Variants in NFKB1 observed in about 807,000 individuals in gnomAD.
NFKB1 encodes nuclear factor NF-kappa-B p105 subunit.
Under a neutral mutation model 105.1 loss-of-function variants are expected in NFKB1, and 9 were observed. The observed-to-expected ratio is 0.09, with a 90% CI of 0.05 to 0.15. The LOEUF is 0.15. Ranked by LOEUF, NFKB1 falls within the 10% of genes least tolerant of loss-of-function variation. The pLI is 1.00. For synonymous variants in NFKB1, 440 were observed against 442.2 expected, an observed-to-expected ratio of 1.00 and a Z score of 0.06; for missense variants, 830 against 1,203.7, an observed-to-expected ratio of 0.69 and a Z score of 4.59.
Position 102,597,504 on chromosome 4 carries a change from G to T in NFKB1, c.1496-16G>T. The T allele has an allele frequency of 1.2e-6, 2 of 1,601,082 alleles. No individual in the cohort carries two copies. Among genetic ancestry groups the T allele is most frequent in the South Asian group, 1.1e-5 (1 of 89,036 alleles). ...AGTAGGAACACTCAACTATGATTGTGGTCATTGCCTTACAGATAACCTCTT... is the reference window on the plus strand; with the variant it reads ...AGTAGGAACACTCAACTATGATTGTTGTCATTGCCTTACAGATAACCTCTT... On this transcript the variant is annotated splice_polypyrimidine_tract_variant and intron_variant, in intron 14 of 23. Coordinates refer to ENST00000226574, the MANE Select transcript of NFKB1 (RefSeq NM_003998.4).
intron 11 of NFKB1, 47 bp downstream of exon 11, chr4:102,584,867 A>T (rs1348311294): frequency 6.5e-7 from 1 of 1,530,230 alleles, no homozygotes; most frequent in Admixed American, 2.0e-5. Context: ...ATTTTATTTT[A>T]TTTTTGGTTT....
At chr4:102,614,496 C>G (rs191168327) in intron 23 of NFKB1, among the ~76,000 whole-genome samples, 1 of 152,348 alleles carries the variant, frequency 6.6e-6, no homozygotes, top group East Asian at 1.9e-4. Flanking sequence ...TCCAATTGCT[C>G]TATTCCCATA....
intron 23 of NFKB1, among the ~76,000 whole-genome samples, chr4:102,614,900 AT>A (rs1430518881): frequency 6.6e-6 from 1 of 152,014 alleles, no homozygotes; most frequent in East Asian, 1.9e-4. Context: ...CTTCCAGGAG[AT>A]TAAGACAAAA....
At chr4:102,561,898 G>A (rs1723472419) in intron 5 of NFKB1, among the ~76,000 whole-genome samples, 1 of 152,164 alleles carries the variant, frequency 6.6e-6, no homozygotes, top group Non-Finnish European at 1.5e-5. Flanking sequence ...GGTTGCATAT[G>A]GTTTTCCTGC....
At chr4:102,557,824 T>C (rs1040554541) in intron 5 of NFKB1, among the ~76,000 whole-genome samples, 1 of 151,938 alleles carries the variant, frequency 6.6e-6, no homozygotes, top group Non-Finnish European at 1.5e-5. Context: ...TATTCGAGAG[T>C]TGCCCTCCCT....
At chr4:102,607,995 TTTGA>T (rs1727978699) in intron 19 of NFKB1, among the ~76,000 whole-genome samples, 1 of 152,222 alleles carries the variant, frequency 6.6e-6, no homozygotes, top group Admixed American at 6.5e-5. Context: ...TTGTTTGGGG[TTTGA>T]TTGTTTAGAT....
chr4:102,539,127 G>T (rs1203366390), intron 5 of NFKB1, among the ~76,000 whole-genome samples: 1 of 151,006 alleles, frequency 6.6e-6, no homozygotes, highest in Admixed American at 6.6e-5. Flanking sequence ...GTCCCAGCTA[G>T]TCAGGAGGCT....
intron 19 of NFKB1, among the ~76,000 whole-genome samples, chr4:102,610,237 G>T (rs1445997100): frequency 1.3e-5 from 2 of 152,200 alleles, no homozygotes; most frequent in Non-Finnish European, 2.9e-5. Context: ...CCTAGTGGCT[G>T]TAATCATGCT....
chr4:102,523,870 C>A (rs756757750), intron 1 of NFKB1, among the ~76,000 whole-genome samples: 1 of 152,036 alleles, frequency 6.6e-6, no homozygotes, highest in Non-Finnish European at 1.5e-5. Flanking sequence ...GTCAGATGGC[C>A]ATCTCTAACT....
chr4:102,583,622 T>C (rs4648037), intron 10 of NFKB1, among the ~76,000 whole-genome samples: 8,616 of 152,282 alleles, frequency 0.057, 276 homozygotes, highest in African/African-American at 0.088. Context: ...TAAAAGGGTG[T>C]TCTAGGAGTC....
intron 2 of NFKB1, among the ~76,000 whole-genome samples, chr4:102,527,988 C>T (rs1393733099): frequency 1.3e-5 from 2 of 152,066 alleles, no homozygotes; most frequent in East Asian, 1.9e-4. Context: ...TTGAGGCAAG[C>T]GGTCTTGAAG....
At chr4:102,502,504 C>A (rs1024576840) in intron 1 of NFKB1, among the ~76,000 whole-genome samples, 4 of 152,068 alleles carry the variant, frequency 2.6e-5, no homozygotes, top group African/African-American at 9.6e-5. Flanking sequence ...AATTACCTAC[C>A]TGGATACTTA....
intron 20 of NFKB1, among the ~76,000 whole-genome samples, 159 bp downstream of exon 20, chr4:102,610,858 C>T (rs1312978794): frequency 1.3e-5 from 2 of 152,144 alleles, no homozygotes; most frequent in Non-Finnish European, 2.9e-5. Flanking sequence ...CTTGAAAAAC[C>T]CTATCCATGA....
At chr4:102,552,646 C>G (rs1020490083) in intron 5 of NFKB1, among the ~76,000 whole-genome samples, 9 of 152,082 alleles carry the variant, frequency 5.9e-5, no homozygotes, top group African/African-American at 2.2e-4. Context: ...ACAGATCCCC[C>G]AAAATAATAG....
In NFKB1 at chr4:102,607,292, C is replaced by T. The variant is rs1486159276; in HGVS notation, c.2097C>T (p.Ile699=). The T allele has an allele frequency of 1.2e-6, 2 of 1,613,120 alleles. No individual in the cohort carries two copies. Among genetic ancestry groups the T allele is most frequent in the South Asian group, 2.2e-5 (2 of 91,074 alleles). The part of the protein sequence containing the change: ...ALHLAVEHDN[I]SLAGCLLLEG... ...ACCTGGCTGTGGAGCACGACAACAT[C>T]TCATTGGCAGGCTGCCTGCTCCTGG... Residue 699 remains isoleucine, a synonymous_variant, in exon 18 of 24, where the codon ATC becomes ATT. Transcript: ENST00000226574.
intron 5 of NFKB1, among the ~76,000 whole-genome samples, chr4:102,550,938 T>A (rs1722525549): frequency 6.6e-6 from 1 of 152,164 alleles, no homozygotes; most frequent in Non-Finnish European, 1.5e-5. Flanking sequence ...TTCATTTATA[T>A]GAGATTAACT....
chr4:102,592,638 A>T (rs950101217), intron 11 of NFKB1, among the ~76,000 whole-genome samples: 1 of 152,206 alleles, frequency 6.6e-6, no homozygotes, highest in Non-Finnish European at 1.5e-5. Flanking sequence ...TTTTTTGTGT[A>T]CTGGGAAACC....
chr4:102,570,359 C>T (rs188054064), intron 6 of NFKB1, among the ~76,000 whole-genome samples: 26 of 152,284 alleles, frequency 1.7e-4, no homozygotes, highest in Admixed American at 4.6e-4. Context: ...TGGCCTCTAG[C>T]TCCATCCATG....
chr4:102,610,504 C>T (rs56127916), intron 19 of NFKB1, 71 bp from the exon 20 acceptor site: 1 of 1,556,644 alleles, frequency 6.4e-7, no homozygotes, highest in African/African-American at 1.4e-5. Context: ...CTTTGGGAAT[C>T]TGACCTTTGC....
Sources: allele counts gnomAD v4.1 joint callset (sites outside exome capture counted in the v4.1 genomes callset), GRCh38; gene constraint gnomAD v4.1.1; transcripts MANE v1.5; gene names NCBI Gene and HGNC (gene_info 2026-07-23, HGNC 2026-07-21).